The following ARHGAP20 variants were observed in gnomAD, a reference collection of about 807,000 sequenced individuals.
ARHGAP20 encodes Rho GTPase activating protein 20.
In ARHGAP20, 34 loss-of-function variants were observed where a neutral mutation model predicts 73.7. The ratio of observed to expected loss-of-function variants is 0.46; its 90% CI spans 0.35 to 0.61. The LOEUF (loss-of-function observed/expected upper bound fraction) is 0.61, where lower values mean the gene tolerates loss of function less well. Among genes scored for constraint, ARHGAP20 ranks in the 20% least tolerant of loss-of-function variants. ARHGAP20 has a pLI of 0.00. For synonymous variants in ARHGAP20, 523 were observed against 518.2 expected (o/e 1.01, Z -0.13); for missense variants, 1,314 against 1,420.9 (o/e 0.92, Z 1.21).
rs761298268 is a variant in ARHGAP20, at chr11:110,579,362, T to A, written c.*8A>T. ...CCTGTTCTTGTGGACATCAGATTCT[T>A]ACTATGCTTAAATGTCTTTGGTTAA... is the stretch of plus-strand genomic sequence containing the variant. On this transcript the variant is annotated 3_prime_UTR_variant, in exon 15 of 15. Coordinates refer to ENST00000683387, the MANE Select transcript of ARHGAP20 (RefSeq NM_001384657.1). The A allele has an allele frequency of 4.5e-6, 7 of 1,572,372 alleles. No individual in the cohort carries two copies. In the Admixed American group the frequency reaches 1.1e-4, roughly 24 times the overall value.
rs7126917 is a variant in ARHGAP20, at chr11:110,675,347, C to T, written c.188+15200G>A. ...ATTTCCTTTCTCAAAGTTTGCCATGCCTTTCTACACACTTTGAGCTCTAAC... is the reference window on the plus strand; with the variant it reads ...ATTTCCTTTCTCAAAGTTTGCCATGTCTTTCTACACACTTTGAGCTCTAAC... On this transcript the variant is annotated intron_variant, in intron 2 of 14. Transcript: ENST00000683387. 3.5e-3 allele frequency among the ~76,000 whole-genome samples: 536 copies of T among 152,272 alleles called. 3 individuals are homozygous for T. Among genetic ancestry groups the T allele is most frequent in the African/African-American group, 0.012 (501 of 41,564 alleles).
chr11:110,629,881 G>T lies in ARHGAP20; in HGVS notation c.353+747C>A, dbSNP rs113147450. ...GGCTCTCGTGAAGGCTTGTAAGCCA[G>T]AAGCATCCAGTGAAACACTCTCAGA... On this transcript the variant is annotated intron_variant, in intron 3 of 14. Coordinates refer to ENST00000683387, the MANE Select transcript of ARHGAP20 (RefSeq NM_001384657.1). 2.6e-3 allele frequency among the ~76,000 whole-genome samples: 392 copies of T among 152,316 alleles called. 3 individuals are homozygous for T. Among genetic ancestry groups the T allele is most frequent in the African/African-American group, 8.9e-3 (369 of 41,572 alleles).
At chr11:110,581,397 G>A (rs537337715) in intron 14 of ARHGAP20, among the ~76,000 whole-genome samples, 172 bp from the exon 15 acceptor site, 1 of 152,178 alleles carries the variant, frequency 6.6e-6, no homozygotes, top group Non-Finnish European at 1.5e-5. Flanking sequence ...AATTGCTGGG[G>A]TATAGGAGAT....
intron 2 of ARHGAP20, among the ~76,000 whole-genome samples, chr11:110,685,494 T>TAAA (rs34975209): frequency 6.6e-6 from 1 of 151,506 alleles, no homozygotes; most frequent in African/African-American, 2.4e-5. Context: ...GGTGCCACAT[T>TAAA]AAAAAAAATG....
intron 1 of ARHGAP20, among the ~76,000 whole-genome samples, chr11:110,692,133 C>G (rs1489192789): frequency 6.6e-6 from 1 of 152,098 alleles, no homozygotes; most frequent in African/African-American, 2.4e-5. Flanking sequence ...GTTTCCATTA[C>G]TCACACCTCT....
chr11:110,641,986 G>A (rs908068001), intron 2 of ARHGAP20, among the ~76,000 whole-genome samples: 1 of 151,960 alleles, frequency 6.6e-6, no homozygotes, highest in Non-Finnish European at 1.5e-5. Context: ...CAATGAACAA[G>A]GTCATCAATA....
intron 3 of ARHGAP20, among the ~76,000 whole-genome samples, chr11:110,628,946 A>G (rs1176201440): frequency 6.6e-6 from 1 of 152,184 alleles, no homozygotes; most frequent in East Asian, 1.9e-4. Flanking sequence ...AAAACAACTT[A>G]CATGCTAACA....
At chr11:110,691,594 A>G (rs1044115592) in intron 1 of ARHGAP20, among the ~76,000 whole-genome samples, 2 of 152,202 alleles carry the variant, frequency 1.3e-5, no homozygotes, top group Non-Finnish European at 2.9e-5. Flanking sequence ...TGATTCATAA[A>G]GGAATTGCTT....
chr11:110,588,207 G>A (rs1450620674), intron 11 of ARHGAP20, among the ~76,000 whole-genome samples: 4 of 152,130 alleles, frequency 2.6e-5, no homozygotes, highest in African/African-American at 9.7e-5. Flanking sequence ...ATTCTGCACT[G>A]CAATCACCAG....
intron 4 of ARHGAP20, among the ~76,000 whole-genome samples, chr11:110,618,563 G>A (rs1948538398): frequency 6.6e-6 from 1 of 152,208 alleles, no homozygotes; most frequent in Admixed American, 6.5e-5. Context: ...TAGAGTATAT[G>A]TAGTGATAGT....
At chr11:110,646,723 T>C (rs907380675) in intron 2 of ARHGAP20, among the ~76,000 whole-genome samples, 3 of 152,164 alleles carry the variant, frequency 2.0e-5, no homozygotes, top group African/African-American at 7.2e-5. Flanking sequence ...ACAAATAATT[T>C]ATTCAGTCAC....
In ARHGAP20 at chr11:110,611,401, T is replaced by A. The variant is rs749958398; in HGVS notation, c.631-15A>T. 8 of 1,286,084 alleles carry A rather than the reference T, an allele frequency of 6.2e-6. No homozygotes were observed. The highest frequency in any genetic ancestry group is 1.5e-5 in the African/African-American group (1 of 65,036). The allele number at this position is 1,286,084 out of a possible 1,614,324, so 79.7% of individuals were successfully genotyped here. ...ATAGTTTTAGACTGTAGAAAAAAAA[T>A]AAGAAATATAGCTATAAAATAATGA... On this transcript the variant is annotated splice_polypyrimidine_tract_variant and intron_variant, in intron 6 of 14. Coordinates refer to ENST00000683387, the MANE Select transcript of ARHGAP20 (RefSeq NM_001384657.1).
chr11:110,603,969 C>T (rs1948165270), intron 9 of ARHGAP20, among the ~76,000 whole-genome samples: 1 of 152,022 alleles, frequency 6.6e-6, no homozygotes, highest in Admixed American at 6.5e-5. Flanking sequence ...AAATGTTATC[C>T]CTCCAAGAGA....
At chr11:110,640,407 ACT>A (rs2098637999) in intron 2 of ARHGAP20, among the ~76,000 whole-genome samples, 2 of 151,910 alleles carry the variant, frequency 1.3e-5, no homozygotes, top group Non-Finnish European at 2.9e-5. Flanking sequence ...TGCCTGTGTA[ACT>A]CTGCAGAGTG....
At chr11:110,674,819 T>G (rs1949899913) in intron 2 of ARHGAP20, among the ~76,000 whole-genome samples, 1 of 152,210 alleles carries the variant, frequency 6.6e-6, no homozygotes, top group African/African-American at 2.4e-5. Flanking sequence ...AGTTAATGAT[T>G]GATGTCATCA....
At chr11:110,706,283 C>G (rs1422469913) in intron 1 of ARHGAP20, among the ~76,000 whole-genome samples, 3 of 152,070 alleles carry the variant, frequency 2.0e-5, no homozygotes, top group African/African-American at 7.2e-5. Flanking sequence ...GATTCAAATT[C>G]CAGTTTTGCC....
At chr11:110,583,418 A>C in intron 13 of ARHGAP20, 130 bp downstream of exon 13, 1 of 820,014 alleles carries the variant, frequency 1.2e-6, no homozygotes, top group Non-Finnish European at 1.8e-6. Flanking sequence ...ATAGTCTACC[A>C]GTAAAGTCAA....
At chr11:110,651,758 A>AAT (rs1555095792) in intron 2 of ARHGAP20, among the ~76,000 whole-genome samples, 1 of 151,684 alleles carries the variant, frequency 6.6e-6, no homozygotes, top group African/African-American at 2.4e-5. Flanking sequence ...AAAAAAAAAA[A>AAT]AAATAAAACC....
intron 2 of ARHGAP20, among the ~76,000 whole-genome samples, chr11:110,633,836 G>T (rs192553600): frequency 6.6e-6 from 1 of 152,242 alleles, no homozygotes; most frequent in Admixed American, 6.5e-5. Context: ...GGGCTAGGTG[G>T]TATGGCAAGA....
Sources: allele counts gnomAD v4.1 joint callset (sites outside exome capture counted in the v4.1 genomes callset), GRCh38; gene constraint gnomAD v4.1.1; transcripts MANE v1.5; gene names NCBI Gene and HGNC (gene_info 2026-07-23, HGNC 2026-07-21).